CCDC148: variants seen among roughly 807,000 people sequenced by gnomAD.
CCDC148 encodes coiled-coil domain containing 148.
A neutral mutation model predicts 85.7 loss-of-function variants in CCDC148; 89 were observed. That is an observed-to-expected ratio of 1.04 (90% CI 0.87 to 1.24). CCDC148 has a LOEUF of 1.24. Ranked by LOEUF, CCDC148 falls within the 50% of genes most tolerant of loss-of-function variation. The probability of loss-of-function intolerance (pLI) is 0.00; values close to 1 mark genes in which losing one functional copy is unlikely to be tolerated. For synonymous variants in CCDC148, 230 were observed against 213.9 expected (o/e 1.08, Z -0.66); for missense variants, 692 against 671.7 (o/e 1.03, Z -0.33).
chr2:158,309,128 C>A (rs1440168170), intron 9 of CCDC148, among the ~76,000 whole-genome samples: 1 of 152,172 alleles, frequency 6.6e-6, no homozygotes, highest in African/African-American at 2.4e-5. Context: ...TATCATTACA[C>A]TTGCATTTTT....
intron 11 of CCDC148, among the ~76,000 whole-genome samples, chr2:158,196,785 C>A (rs1411567993): frequency 6.6e-6 from 1 of 151,952 alleles, no homozygotes; most frequent in Non-Finnish European, 1.5e-5. Flanking sequence ...TCTCCTATAC[C>A]CTACTCTGCA....
At chr2:158,272,726 C>T (rs746353827) in intron 9 of CCDC148, among the ~76,000 whole-genome samples, 9 of 152,152 alleles carry the variant, frequency 5.9e-5, no homozygotes, top group Non-Finnish European at 1.2e-4. Flanking sequence ...ACTCAACGTT[C>T]AAGAAGAACT....
intron 5 of CCDC148, among the ~76,000 whole-genome samples, chr2:158,339,802 G>A (rs1377871025): frequency 6.6e-6 from 1 of 152,154 alleles, no homozygotes; most frequent in Non-Finnish European, 1.5e-5. Flanking sequence ...GGCCAGCCTG[G>A]GTGTGACTGA....
At chr2:158,445,266 T>A (rs901323174) in intron 1 of CCDC148, among the ~76,000 whole-genome samples, 1 of 152,212 alleles carries the variant, frequency 6.6e-6, no homozygotes, top group African/African-American at 2.4e-5. Context: ...TGGGCAGATA[T>A]TTTTCTTTTA....
At position 158,178,939 on chromosome 2, in the gene CCDC148, G is replaced by A. The variant is rs747581357; in HGVS notation, c.1428C>T (p.Ala476=). 4.3e-6 allele frequency: 7 copies of A among 1,613,330 alleles called. No homozygotes were observed. The highest frequency in any genetic ancestry group is 1.1e-5 in the South Asian group (1 of 91,054). ...CTTTGTCTTCATGAGCTTCTTGAAG[G>A]GCCACTTCCTTTTTCTCCATCAAAC... ...ERRLMEKKEV[A]LQEAHEDKER... Residue 476 remains alanine (A), a synonymous_variant, in exon 12 of 14, where the codon GCC becomes GCT. Coordinates refer to ENST00000283233, the MANE Select transcript of CCDC148 (RefSeq NM_138803.4).
chr2:158,342,021 CTTTTCTT>C (rs1437907712), intron 3 of CCDC148, among the ~76,000 whole-genome samples: 21 of 85,630 alleles, frequency 2.5e-4, no homozygotes, highest in African/African-American at 5.9e-4. Flanking sequence ...TCATTATTTT[CTTTTCTT>C]TTTTTTTTTT....
At chr2:158,352,837 T>G (rs1388528239) in intron 2 of CCDC148, among the ~76,000 whole-genome samples, 1 of 152,166 alleles carries the variant, frequency 6.6e-6, no homozygotes, top group South Asian at 2.1e-4. Flanking sequence ...AAAGGTCGGG[T>G]TACTCTCAAA....
At chr2:158,291,388 T>C (rs1690887350) in intron 9 of CCDC148, among the ~76,000 whole-genome samples, 1 of 152,198 alleles carries the variant, frequency 6.6e-6, no homozygotes, top group South Asian at 2.1e-4. Flanking sequence ...CCTAGTTCTC[T>C]AGCCCTTCTC....
At chr2:158,172,336 C>A in intron 13 of CCDC148, 77 bp from the exon 14 acceptor site, 1 of 1,162,210 alleles carries the variant, frequency 8.6e-7, no homozygotes, top group Non-Finnish European at 1.2e-6. Flanking sequence ...CCATGTTTTC[C>A]CAAACTAATT....
At chr2:158,397,666 T>C (rs1171182354) in intron 1 of CCDC148, among the ~76,000 whole-genome samples, 1 of 152,140 alleles carries the variant, frequency 6.6e-6, no homozygotes, top group Admixed American at 6.6e-5. Context: ...TACCAGCCAC[T>C]GCAAAAACAT....
At chr2:158,306,077 G>C (rs1691670456) in intron 9 of CCDC148, among the ~76,000 whole-genome samples, 1 of 152,204 alleles carries the variant, frequency 6.6e-6, no homozygotes, top group Non-Finnish European at 1.5e-5. Flanking sequence ...ATAGAGAACA[G>C]ATCAGTGATT....
At chr2:158,382,061 T>C (rs1684895142) in intron 1 of CCDC148, among the ~76,000 whole-genome samples, 1 of 152,100 alleles carries the variant, frequency 6.6e-6, no homozygotes, top group Non-Finnish European at 1.5e-5. Flanking sequence ...TTGAAAAGTG[T>C]GTATTTGCCC....
chr2:158,319,445 T>TA (rs1392388421), intron 7 of CCDC148, among the ~76,000 whole-genome samples: 4 of 152,192 alleles, frequency 2.6e-5, no homozygotes, highest in Non-Finnish European at 4.4e-5. Context: ...TCCTAGCTCT[T>TA]AAAAAGAGTC....
intron 1 of CCDC148, among the ~76,000 whole-genome samples, chr2:158,397,128 A>C (rs1204182330): frequency 2.6e-5 from 4 of 152,060 alleles, no homozygotes; most frequent in Admixed American, 2.6e-4. Context: ...CAGGTGAAGA[A>C]GGCAAGAATC....
intron 10 of CCDC148, among the ~76,000 whole-genome samples, chr2:158,246,747 C>A (rs978743058): frequency 1.3e-5 from 2 of 152,170 alleles, no homozygotes; most frequent in South Asian, 2.1e-4. Flanking sequence ...TCACTCTCTG[C>A]AAAAGTTCCA....
chr2:158,267,961 T>C (rs1228061121), intron 9 of CCDC148, among the ~76,000 whole-genome samples: 3 of 152,212 alleles, frequency 2.0e-5, no homozygotes, highest in African/African-American at 7.2e-5. Context: ...TATTCCATTG[T>C]ATGGATGCAC....
intron 7 of CCDC148, among the ~76,000 whole-genome samples, chr2:158,325,582 G>C (rs1258575572): frequency 4.6e-5 from 7 of 152,058 alleles, no homozygotes; most frequent in Admixed American, 2.0e-4. Context: ...CCAGTCAAGA[G>C]CTCTTTCCTG....
intron 1 of CCDC148, among the ~76,000 whole-genome samples, chr2:158,409,155 G>T (rs1686151388): frequency 6.6e-6 from 1 of 152,164 alleles, no homozygotes; most frequent in Non-Finnish European, 1.5e-5. Context: ...GTGCAGAAGG[G>T]AAACATGGGG....
chr2:158,360,958 A>C (rs761520541), intron 1 of CCDC148, among the ~76,000 whole-genome samples: 23 of 151,970 alleles, frequency 1.5e-4, no homozygotes, highest in Non-Finnish European at 3.2e-4. Flanking sequence ...AACTAGAATA[A>C]CCAGTTTAGA....
Sources: allele counts gnomAD v4.1 joint callset (sites outside exome capture counted in the v4.1 genomes callset), GRCh38; gene constraint gnomAD v4.1.1; transcripts MANE v1.5; gene names NCBI Gene and HGNC (gene_info 2026-07-23, HGNC 2026-07-21).